The following DACH1 variants were observed in gnomAD, a reference collection of about 807,000 sequenced individuals.
The protein encoded by DACH1 is dachshund homolog 1.
In DACH1, 12 loss-of-function variants were observed where a neutral mutation model predicts 54.2. That is an observed-to-expected ratio of 0.22 (90% CI 0.14 to 0.36). DACH1 has a LOEUF of 0.36. Ranked by LOEUF, DACH1 falls within the 10% of genes least tolerant of loss-of-function variation. DACH1 has a pLI of 1.00. For synonymous variants in DACH1, 386 were observed against 366.2 expected (o/e 1.05, Z -0.62); for missense variants, 805 against 929.8 (o/e 0.87, Z 1.75).
intron 1 of DACH1, among the ~76,000 whole-genome samples, chr13:71,800,369 A>T (rs1301917447): frequency 6.6e-6 from 1 of 152,168 alleles, no homozygotes; most frequent in Admixed American, 6.6e-5. Context: ...AACACAAGGG[A>T]AAACACAAGA....
chr13:71,461,720 G>T (rs1350125951), intron 10 of DACH1, among the ~76,000 whole-genome samples: 2 of 151,884 alleles, frequency 1.3e-5, no homozygotes, highest in Non-Finnish European at 2.9e-5. Context: ...TAAGGCCCAG[G>T]TTGTGAAATT....
chr13:71,812,233 A>C (rs909312919), intron 1 of DACH1, among the ~76,000 whole-genome samples: 1 of 152,234 alleles, frequency 6.6e-6, no homozygotes, highest in African/African-American at 2.4e-5. Flanking sequence ...AAGGATATAA[A>C]TTGAACTGTC....
chr13:71,819,900 C>T (rs556911374), intron 1 of DACH1, among the ~76,000 whole-genome samples: 4 of 151,670 alleles, frequency 2.6e-5, no homozygotes, highest in East Asian at 2.0e-4. Flanking sequence ...AAAGGGTACT[C>T]GGGGGAGAAG....
chr13:71,624,253 A>G (rs557328012), intron 3 of DACH1, among the ~76,000 whole-genome samples: 17 of 152,024 alleles, frequency 1.1e-4, no homozygotes, highest in Non-Finnish European at 2.5e-4. Context: ...CAATTGAATT[A>G]CAAACCATGG....
At chr13:71,530,101 G>A (rs949061224) in intron 6 of DACH1, among the ~76,000 whole-genome samples, 1 of 152,106 alleles carries the variant, frequency 6.6e-6, no homozygotes, top group Non-Finnish European at 1.5e-5. Context: ...ACTGAAGATA[G>A]AAAATGAAGT....
chr13:71,623,879 A>G (rs1164102678), intron 3 of DACH1, among the ~76,000 whole-genome samples: 1 of 151,886 alleles, frequency 6.6e-6, no homozygotes, highest in Non-Finnish European at 1.5e-5. Flanking sequence ...TGGTCACACA[A>G]TAACATATTC....
intron 1 of DACH1, among the ~76,000 whole-genome samples, chr13:71,828,820 C>A (rs1472043873): frequency 3.3e-5 from 5 of 151,890 alleles, no homozygotes; most frequent in African/African-American, 7.2e-5. Flanking sequence ...GGCCCCCAGT[C>A]TTTCAGGTTC....
At position 71,663,157 on chromosome 13, in the gene DACH1, T is replaced by G. The variant is rs573662524; in HGVS notation, c.964+18638A>C. ...TAAAGGGTGTGTGTAATTGTGTATA[T>G]GATTGTGTGTGTGTGTGTGTAACTT... On this transcript the variant is annotated intron_variant, in intron 2 of 10. Coordinates refer to ENST00000613252, the MANE Select transcript of DACH1 (RefSeq NM_080759.6). Among the ~76,000 whole-genome samples the G allele has an allele frequency of 1.1e-3, 159 of 149,540 alleles. 1 individual carries two copies. The highest frequency in any genetic ancestry group is 5.4e-3 in the South Asian group (26 of 4,826).
chr13:71,557,283 C>G, intron 5 of DACH1, 125 bp from the exon 6 acceptor site: 1 of 648,626 alleles, frequency 1.5e-6, no homozygotes, highest in Non-Finnish European at 2.2e-6. Context: ...TAATGGTCTA[C>G]CTTTAAATTT....
At chr13:71,801,076 C>T (rs941570438) in intron 1 of DACH1, among the ~76,000 whole-genome samples, 3 of 104,148 alleles carry the variant, frequency 2.9e-5, no homozygotes, top group Non-Finnish European at 5.3e-5. Flanking sequence ...AAGCACACAG[C>T]AGTGTTTCTA....
At chr13:71,500,000 T>TA (rs1166356043) in intron 6 of DACH1, among the ~76,000 whole-genome samples, 3 of 151,572 alleles carry the variant, frequency 2.0e-5, no homozygotes, top group South Asian at 2.1e-4. Flanking sequence ...AGTTAATGAT[T>TA]AAAAAAAATT....
intron 1 of DACH1, among the ~76,000 whole-genome samples, chr13:71,814,419 C>A (rs112423739): frequency 4.6e-5 from 7 of 152,080 alleles, no homozygotes; most frequent in African/African-American, 1.7e-4. Flanking sequence ...GTTGTAACAT[C>A]GGTATAAAGA....
At chr13:71,568,548 GA>G (rs1285809861) in intron 4 of DACH1, among the ~76,000 whole-genome samples, 1 of 152,030 alleles carries the variant, frequency 6.6e-6, no homozygotes, top group Admixed American at 6.6e-5. Flanking sequence ...GAACCTAGAA[GA>G]ATTAGTAGAC....
chr13:71,512,629 G>A (rs1324360921), intron 6 of DACH1, among the ~76,000 whole-genome samples: 1 of 151,884 alleles, frequency 6.6e-6, no homozygotes, highest in East Asian at 1.9e-4. Flanking sequence ...ATCTCAAAGT[G>A]TTCAATATAG....
chr13:71,738,339 C>A (rs1045414883), intron 1 of DACH1, among the ~76,000 whole-genome samples: 23 of 152,052 alleles, frequency 1.5e-4, no homozygotes, highest in Admixed American at 9.8e-4. Context: ...ACTCGATAAA[C>A]AATTCCATGG....
chr13:71,799,591 C>G (rs997993589), intron 1 of DACH1, among the ~76,000 whole-genome samples: 7 of 152,040 alleles, frequency 4.6e-5, no homozygotes, highest in Admixed American at 2.0e-4. Flanking sequence ...CATACCGGCT[C>G]TCAACCACTG....
At chr13:71,760,106 G>A (rs897282369) in intron 1 of DACH1, among the ~76,000 whole-genome samples, 3 of 152,090 alleles carry the variant, frequency 2.0e-5, no homozygotes, top group African/African-American at 7.2e-5. Flanking sequence ...CTACCACGGC[G>A]GCCCCAGGTG....
At chr13:71,541,412 G>A (rs1000867317) in intron 6 of DACH1, among the ~76,000 whole-genome samples, 7 of 152,044 alleles carry the variant, frequency 4.6e-5, no homozygotes, top group Admixed American at 3.9e-4. Context: ...GGCATAGTTT[G>A]CCTTAATATT....
chr13:71,821,445 A>G (rs1345519548), intron 1 of DACH1, among the ~76,000 whole-genome samples: 1 of 149,494 alleles, frequency 6.7e-6, no homozygotes, highest in Admixed American at 6.6e-5. Context: ...ATTTAAATTT[A>G]AATTCTAAGA....
Sources: allele counts gnomAD v4.1 joint callset (sites outside exome capture counted in the v4.1 genomes callset), GRCh38; gene constraint gnomAD v4.1.1; transcripts MANE v1.5; gene names NCBI Gene and HGNC (gene_info 2026-07-23, HGNC 2026-07-21).